The following TMEM259 variants were observed in gnomAD, a reference collection of about 807,000 sequenced individuals.
The protein encoded by TMEM259 is membralin.
TMEM259 carries 26 observed loss-of-function variants against 46.7 expected under a neutral mutation model. The observed-to-expected ratio is 0.56, with a 90% CI of 0.41 to 0.77. The LOEUF (loss-of-function observed/expected upper bound fraction) is 0.77, where lower values mean the gene tolerates loss of function less well. TMEM259 is among the 30% of genes least tolerant of loss of function. The pLI, the probability that TMEM259 is intolerant of heterozygous loss-of-function variation, is 0.00. For synonymous variants in TMEM259, 494 were observed against 395.1 expected, an observed-to-expected ratio of 1.25 and a Z score of -2.97; for missense variants, 930 against 900.5, an observed-to-expected ratio of 1.03 and a Z score of -0.42.
At position 1,021,030 on chromosome 19, in the gene TMEM259, T is replaced by C. The variant is rs991344474; in HGVS notation, c.-34A>G. On this transcript the variant is annotated 5_prime_UTR_variant, in exon 1 of 11. Transcript: ENST00000356663. ...GCGTCGCGCCCTAACGACCCGCAAG[T>C]GTCCGAGGGCGCCTCCCGGCCGCCA... 2.3e-6 allele frequency: 3 copies of C among 1,332,484 alleles called. No individual in the cohort carries two copies. The highest frequency in any genetic ancestry group is 1.9e-6 in the Non-Finnish European group (2 of 1,030,394). 82.5% of individuals were successfully genotyped at this position (1,332,484 alleles called of 1,614,324 possible).
chr19:1,013,289 C>T lies in TMEM259; in HGVS notation c.559G>A (p.Ala187Thr). 6.2e-7 allele frequency: 1 copy of T among 1,613,848 alleles called. No homozygotes were observed. The change falls in exon 3 of 11, where the codon GCC becomes ACC. Residue 187 changes from alanine to threonine, a missense_variant. Transcript: ENST00000356663. ...GGGAACTCCTGGCTGTCATTCAGGG[C>T]CTCTGTGCTACTCGGCGGCTTGAAC... ...KVFKPPSSTE[A>T]LNDSQEFPFP...
chr19:1,016,290 C>A (rs549050980), intron 1 of TMEM259, among the ~76,000 whole-genome samples: 1 of 152,318 alleles, frequency 6.6e-6, no homozygotes, highest in Non-Finnish European at 1.5e-5. Context: ...AGGGGGGCAG[C>A]CCCGGAGCCT....
chr19:1,011,852 C>A, intron 6 of TMEM259, 40 bp downstream of exon 6: 1 of 1,591,158 alleles, frequency 6.3e-7, no homozygotes, highest in South Asian at 1.1e-5. Context: ...CTGCTTGGCT[C>A]CCGCCCGGCC....
intron 1 of TMEM259, among the ~76,000 whole-genome samples, chr19:1,014,986 C>T (rs975921072): frequency 1.2e-4 from 18 of 152,238 alleles, no homozygotes; most frequent in Admixed American, 1.0e-3. Flanking sequence ...CAGCTGGACC[C>T]ACTGTCTACG....
At chr19:1,019,449 C>T (rs1387608942) in intron 1 of TMEM259, among the ~76,000 whole-genome samples, 4 of 152,272 alleles carry the variant, frequency 2.6e-5, no homozygotes, top group Non-Finnish European at 5.9e-5. Flanking sequence ...CGTAACCCTT[C>T]ACAGCCCTGC....
At chr19:1,012,028 CCGCGCCCT>C (rs745778928) in intron 5 of TMEM259, 30 bp downstream of exon 5, 1 of 1,611,848 alleles carries the variant, frequency 6.2e-7, no homozygotes, top group Non-Finnish European at 8.5e-7. Flanking sequence ...CCGCCCCCAC[CCGCGCCCT>C]CGCACCCTCG....
rs777585641 is a variant in TMEM259 at position 1,013,273 on chromosome 19, T to C, written c.575A>G (p.Gln192Arg). 2.7e-5 allele frequency: 43 copies of C among 1,613,754 alleles called. No homozygotes were observed. The highest frequency in any genetic ancestry group is 3.5e-5 in the Non-Finnish European group (41 of 1,179,828). ...PSSTEALNDS[Q>R]EFPFPETPTK... ...GGGCGTCTCGGGGAAGGGGAACTCCTGGCTGTCATTCAGGGCCTCTGTGCT... is the reference window on the plus strand; with the variant it reads ...GGGCGTCTCGGGGAAGGGGAACTCCCGGCTGTCATTCAGGGCCTCTGTGCT... Residue 192 changes from glutamine (Q) to arginine (R), a missense_variant, in exon 3 of 11, where the codon CAG (glutamine) becomes CGG (arginine). Coordinates refer to ENST00000356663, the MANE Select transcript of TMEM259 (RefSeq NM_001033026.2).
Position 1,020,987 on chromosome 19 carries a change from G to A in TMEM259, c.10C>T (p.His4Tyr). Residue 4 changes from histidine to tyrosine, a missense_variant, in exon 1 of 11, where the codon CAC (histidine) becomes TAC (tyrosine). His to Tyr is a moderately conservative substitution (Grantham distance 83). Coordinates refer to ENST00000356663, the MANE Select transcript of TMEM259 (RefSeq NM_001033026.2). This position sits in a 1 kb window ranked among gnomAD's most constrained non-coding sequence, Gnocchi z 4.0. MSE[H>Y]VEPAAPGPGP... is the part of the protein sequence containing the mutation. ...GGCCCCGGAGCTGCGGGCTCCACGT[G>A]CTCCGACATGCCTCCCAGCGTCGCG... 2 of 1,349,438 alleles carry A rather than the reference G, an allele frequency of 1.5e-6. No individual in the cohort carries two copies. The highest frequency in any genetic ancestry group is 1.8e-5 in the South Asian group (1 of 56,370). The allele number at this position is 1,349,438 out of a possible 1,614,324, so 83.6% of individuals were successfully genotyped here. A position where few individuals can be genotyped will look rare whatever the true frequency, so the allele number is the denominator to read the frequency against.
In TMEM259 at chr19:1,020,659, GCAGGGTGGCGCTCGCTGT is replaced by G; in HGVS notation, c.225+95_225+112del. The G allele has an allele frequency of 1.4e-6, 1 of 712,636 alleles. No individual in the cohort carries two copies. The highest frequency in any genetic ancestry group is 5.5e-5 in the South Asian group (1 of 18,100). The allele number at this position is 712,636 out of a possible 1,614,324, so 44.1% of individuals were successfully genotyped here. A position where few individuals can be genotyped will look rare whatever the true frequency, so the allele number is the denominator to read the frequency against. ...TAGGGCCGGGTATAGGCCTCAGGGT[GCAGGGTGGCGCTCGCTGT>G]CCCCAGCGGGGCCAGGGGTCGCGGT... On this transcript the variant is annotated intron_variant, in intron 1 of 10. Coordinates refer to ENST00000356663, the MANE Select transcript of TMEM259 (RefSeq NM_001033026.2). The surrounding 1 kb of genome is among the most constrained non-coding windows in gnomAD (Gnocchi z 4.0).
chr19:1,012,184 G>C lies in TMEM259; in HGVS notation c.723C>G (p.Pro241=). 4.4e-6 allele frequency: 7 copies of C among 1,599,260 alleles called. No homozygotes were observed. The highest frequency in any genetic ancestry group is 6.0e-6 in the Non-Finnish European group (7 of 1,173,870). The change falls in exon 5 of 11, where the codon CCC becomes CCG. Residue 241 remains proline (P), a synonymous_variant. Transcript: ENST00000356663. ...SIPVMVVTLD[P]TRDQCFGDRF... ...GGTCCCCGAAGCACTGGTCCCGCGT[G>C]GGGTCTGCGGGTGGGTGAATCAGGG... is the stretch of plus-strand genomic sequence containing the variant.
Position 1,021,046 on chromosome 19 carries a change from C to CCGGCCGCCAT in TMEM259, c.-60_-51dup, listed in dbSNP as rs1388719034. The CCGGCCGCCAT allele has an allele frequency of 7.6e-7, 1 of 1,308,136 alleles. No homozygotes were observed. The highest frequency in any genetic ancestry group is 9.8e-7 in the Non-Finnish European group (1 of 1,020,082). The allele number at this position is 1,308,136 out of a possible 1,614,324, so 81.0% of individuals were successfully genotyped here. ...ACCCGCAAGTGTCCGAGGGCGCCTC[C>CCGGCCGCCAT]CGGCCGCCATCGGCCGCCCTCGCAG... On this transcript the variant is annotated 5_prime_UTR_variant, in exon 1 of 11. It adds an upstream start codon to the 5' untranslated region. Transcript: ENST00000356663.
Position 1,011,748 on chromosome 19 carries a change from G to A in TMEM259, c.993C>T (p.Val331=), listed in dbSNP as rs1351894049. 1.9e-6 allele frequency: 3 copies of A among 1,551,260 alleles called. No homozygotes were observed. The highest frequency in any genetic ancestry group is 2.4e-5 in the East Asian group (1 of 41,038). ...LLRYSHHQIF[V]FIVDLLQMLE... ...CGCCGGCGGGACACTCACCGATGAA[G>A]ACGAAGATCTGGTGGTGTGAGTACC... The change falls in exon 7 of 11, where the codon GTC becomes GTT. Residue 331 remains valine (V), a synonymous_variant. Coordinates refer to ENST00000356663, the MANE Select transcript of TMEM259 (RefSeq NM_001033026.2).
rs1009711288 is a variant in TMEM259 at position 1,020,582 on chromosome 19, G to A, written c.225+190C>T. 2.6e-5 allele frequency among the ~76,000 whole-genome samples: 4 copies of A among 152,124 alleles called. No homozygotes were observed. In the South Asian group the frequency reaches 8.3e-4, roughly 32 times the overall value. On this transcript the variant is annotated intron_variant, in intron 1 of 10. Transcript: ENST00000356663. This position sits in a 1 kb window ranked among gnomAD's most constrained non-coding sequence, Gnocchi z 4.0. Reference sequence around the variant, plus strand: ...CCGGGCGGGATGGGGTCACGAGACGGTGTCCCTGGCCAATCCCAGGGTCAG... The same window carrying A: ...CCGGGCGGGATGGGGTCACGAGACGATGTCCCTGGCCAATCCCAGGGTCAG...
At chr19:1,013,747 C>A in intron 2 of TMEM259, 1 of 283,920 alleles carries the variant, frequency 3.5e-6, no homozygotes, top group Non-Finnish European at 6.8e-6. Flanking sequence ...CCTGGTCCCA[C>A]CAGTGCCCAA....
intron 1 of TMEM259, among the ~76,000 whole-genome samples, chr19:1,018,948 A>G (rs910502265): frequency 6.7e-6 from 1 of 149,950 alleles, no homozygotes; most frequent in African/African-American, 2.5e-5. Flanking sequence ...AGATCAAACC[A>G]CTGCACTCCA....
chr19:1,014,643 G>A (rs1029851523), intron 1 of TMEM259, among the ~76,000 whole-genome samples, 170 bp from the exon 2 acceptor site: 32 of 152,176 alleles, frequency 2.1e-4, no homozygotes, highest in Admixed American at 1.6e-3. Flanking sequence ...CTCCCACGCT[G>A]ACTGCACCGG....
At chr19:1,018,987 CAAAA>C (rs758741226) in intron 1 of TMEM259, among the ~76,000 whole-genome samples, 3 of 115,934 alleles carry the variant, frequency 2.6e-5, no homozygotes, top group Non-Finnish European at 1.8e-5. Context: ...GACTCCATCT[CAAAA>C]AAAAAAAAAA....
At chr19:1,014,105 T>A (rs1229461053) in intron 2 of TMEM259, 87 bp downstream of exon 2, 6 of 1,492,474 alleles carry the variant, frequency 4.0e-6, no homozygotes, top group Non-Finnish European at 4.5e-6. Context: ...AACCCCAACA[T>A]CCTGTCGATG....
At position 1,020,968 on chromosome 19, in the gene TMEM259, G is replaced by T. The variant is rs1361961623; in HGVS notation, c.29C>A (p.Pro10Gln). The T allele has an allele frequency of 7.8e-7, 1 of 1,277,818 alleles. No homozygotes were observed. Among genetic ancestry groups the T allele is most frequent in the East Asian group, 3.3e-5 (1 of 30,670 alleles). 79.2% of individuals were successfully genotyped at this position (1,277,818 alleles called of 1,614,324 possible). A position where few individuals can be genotyped will look rare whatever the true frequency, so the allele number is the denominator to read the frequency against. The change falls in exon 1 of 11, where the codon CCG becomes CAG. Residue 10 changes from proline to glutamine, a missense_variant. Physicochemically the swap from Pro to Gln is moderately conservative, Grantham distance 76. Coordinates refer to ENST00000356663, the MANE Select transcript of TMEM259 (RefSeq NM_001033026.2). The surrounding 1 kb of genome is among the most constrained non-coding windows in gnomAD (Gnocchi z 4.0). The part of the protein sequence containing the change: MSEHVEPAA[P>Q]GPGPNGGGGG... ...GCCGCCGCCGTTGGGCCCGGGCCCC[G>T]GAGCTGCGGGCTCCACGTGCTCCGA...
Sources: allele counts gnomAD v4.1 joint callset (sites outside exome capture counted in the v4.1 genomes callset), GRCh38; gene constraint gnomAD v4.1.1; non-coding constraint Gnocchi (gnomAD v3.1); transcripts MANE v1.5; gene names NCBI Gene and HGNC (gene_info 2026-07-23, HGNC 2026-07-21).